Variants in RTN4IP1 observed in about 807,000 individuals in gnomAD.
RTN4IP1 encodes reticulon 4 interacting protein 1, also known as NAD(P)H oxidoreductase RTN4IP1, mitochondrial.
In RTN4IP1, 32 loss-of-function variants were observed where a neutral mutation model predicts 46.6. That is an observed-to-expected ratio of 0.69 (90% confidence interval 0.52 to 0.92). The LOEUF (loss-of-function observed/expected upper bound fraction) is 0.92. RTN4IP1 is among the 40% of genes least tolerant of loss of function. RTN4IP1 has a pLI of 0.00. For missense variants in RTN4IP1, 424 were observed against 485.8 expected (o/e 0.87, Z 1.20); for synonymous variants, 167 against 161.8 (o/e 1.03, Z -0.24).
rs780844961 is a variant in RTN4IP1, at chr6:106,571,988, A to G, written c.*8T>C. The G allele has an allele frequency of 6.2e-7, 1 of 1,604,196 alleles. No individual in the cohort carries two copies. Among genetic ancestry groups the G allele is most frequent in the South Asian group, 1.1e-5 (1 of 90,692 alleles). On this transcript the variant is annotated 3_prime_UTR_variant, in exon 9 of 9. Transcript: ENST00000369063. ...AGAACGTCAACAATCACTAAACTGC[A>G]TTTTTATTTAAACAACATTAATTAC...
intron 4 of RTN4IP1, among the ~76,000 whole-genome samples, chr6:106,605,868 C>T (rs1162529359): frequency 1.3e-5 from 2 of 148,886 alleles, no homozygotes; most frequent in African/African-American, 5.0e-5. Flanking sequence ...GACTACACTA[C>T]TGCGCTCACC....
At chr6:106,583,474 A>T in intron 7 of RTN4IP1, 54 bp from the exon 8 acceptor site, 3 of 1,421,300 alleles carry the variant, frequency 2.1e-6, no homozygotes, top group Non-Finnish European at 2.9e-6. Flanking sequence ...AAATCTGACT[A>T]AATGCAGATT....
chr6:106,576,687 C>CCAA (rs1775236179), intron 8 of RTN4IP1, among the ~76,000 whole-genome samples: 1 of 152,220 alleles, frequency 6.6e-6, no homozygotes, highest in South Asian at 2.1e-4. Flanking sequence ...ATGGTAGCCT[C>CCAA]TAGACACGTG....
At chr6:106,585,294 C>G (rs1255313178) in intron 7 of RTN4IP1, among the ~76,000 whole-genome samples, 1 of 152,158 alleles carries the variant, frequency 6.6e-6, no homozygotes, top group African/African-American at 2.4e-5. Context: ...GGCAACACAG[C>G]AAGACTCTGT....
intron 8 of RTN4IP1, among the ~76,000 whole-genome samples, chr6:106,575,852 A>C (rs1284563618): frequency 1.3e-5 from 2 of 152,238 alleles, no homozygotes; most frequent in African/African-American, 4.8e-5. Context: ...GGGAAGTCAC[A>C]GTCTATTCCA....
chr6:106,594,744 T>C (rs994665558), intron 5 of RTN4IP1, among the ~76,000 whole-genome samples: 2 of 152,178 alleles, frequency 1.3e-5, no homozygotes, highest in Non-Finnish European at 2.9e-5. Context: ...ACTATAGTCT[T>C]GTGCATTCTT....
Position 106,587,841 on chromosome 6 carries a change from A to T in RTN4IP1, c.828T>A (p.Asn276Lys). ...CCCATGTTTCAGTGGATCCGCCAAC[A>T]TTATCAAGGATAAAATCAAATCTGG... ...SLKPFDFILD[N>K]VGGSTETWAP... Residue 276 changes from asparagine (N) to lysine (K), a missense_variant, in exon 7 of 9, where the codon AAT (asparagine) becomes AAA (lysine). Coordinates refer to ENST00000369063, the MANE Select transcript of RTN4IP1 (RefSeq NM_032730.5). 6.2e-7 allele frequency: 1 copy of T among 1,612,976 alleles called. No homozygotes were observed. The highest frequency in any genetic ancestry group is 8.5e-7 in the Non-Finnish European group (1 of 1,179,488).
chr6:106,580,259 A>C (rs968674896), intron 8 of RTN4IP1, among the ~76,000 whole-genome samples: 5 of 151,416 alleles, frequency 3.3e-5, no homozygotes, highest in African/African-American at 1.2e-4. Context: ...AGTGACCAGT[A>C]ACCAGACCTT....
At chr6:106,577,354 G>A (rs1775254028) in intron 8 of RTN4IP1, among the ~76,000 whole-genome samples, 1 of 149,594 alleles carries the variant, frequency 6.7e-6, no homozygotes, top group South Asian at 2.1e-4. Flanking sequence ...GGGCTGAGGT[G>A]GGAGGATCAC....
rs377143584 is a variant in RTN4IP1, at chr6:106,626,161, G to A, written c.274+2587C>T. Among the ~76,000 whole-genome samples, 53 of 152,266 alleles carry A rather than the reference G, an allele frequency of 3.5e-4. 2 individuals are homozygous for A. The South Asian group carries it at 0.011, about 30-fold the overall frequency. On this transcript the variant is annotated intron_variant, in intron 1 of 8. Transcript: ENST00000369063. ...AGCTAATCCATACAGCAGGAGGGAA[G>A]GTAGAAGATACCGAGAGAGATGCTG...
At chr6:106,626,263 A>G (rs1480413524) in intron 1 of RTN4IP1, among the ~76,000 whole-genome samples, 1 of 152,168 alleles carries the variant, frequency 6.6e-6, no homozygotes, top group African/African-American at 2.4e-5. Context: ...GAAAGGTGGG[A>G]AAGTCCCAGA....
At chr6:106,587,129 A>C (rs959429131) in intron 7 of RTN4IP1, among the ~76,000 whole-genome samples, 7 of 152,372 alleles carry the variant, frequency 4.6e-5, no homozygotes, top group African/African-American at 1.7e-4. Flanking sequence ...TGTTTTACTC[A>C]TAGACCTCTA....
chr6:106,617,281 C>A (rs775640624), intron 4 of RTN4IP1, among the ~76,000 whole-genome samples: 3 of 152,188 alleles, frequency 2.0e-5, no homozygotes, highest in Non-Finnish European at 4.4e-5. Flanking sequence ...CAAATGTGTC[C>A]TACAGATCAC....
intron 5 of RTN4IP1, among the ~76,000 whole-genome samples, chr6:106,597,153 GA>G (rs1256130005): frequency 3.9e-5 from 6 of 152,130 alleles, no homozygotes; most frequent in African/African-American, 1.4e-4. Context: ...CATGTCCTTA[GA>G]AAAGTGATGT....
At chr6:106,623,073 G>C in intron 1 of RTN4IP1, 104 bp from the exon 2 acceptor site, 2 of 1,093,022 alleles carry the variant, frequency 1.8e-6, no homozygotes, top group Non-Finnish European at 2.7e-6. Flanking sequence ...TCAAGATGTA[G>C]ATTATAAATC....
chr6:106,628,935 T>C lies in RTN4IP1; in HGVS notation c.87A>G (p.Ser29=), dbSNP rs1464994312. 1.9e-6 allele frequency: 3 copies of C among 1,613,794 alleles called. No individual in the cohort carries two copies. Among genetic ancestry groups the C allele is most frequent in the Non-Finnish European group, 2.5e-6 (3 of 1,179,830 alleles). Residue 29 remains serine, a synonymous_variant, in exon 1 of 9, where the codon TCA becomes TCG. Transcript: ENST00000369063. ...GAGAGGTAGTACTAATCCTTCTAAC[T>C]GAAGGCTTTTGGACAACTTTGCTTC... is the stretch of plus-strand genomic sequence containing the variant. ...FWRSKVVQKP[S]VRRISTTSPR...
chr6:106,620,207 C>T (rs1411134149), intron 3 of RTN4IP1, among the ~76,000 whole-genome samples: 1 of 151,910 alleles, frequency 6.6e-6, no homozygotes, highest in Non-Finnish European at 1.5e-5. Flanking sequence ...CAGGTTTAAG[C>T]GATTCTCCTG....
chr6:106,575,701 C>T (rs1304604656), intron 8 of RTN4IP1, among the ~76,000 whole-genome samples: 2 of 152,134 alleles, frequency 1.3e-5, no homozygotes, highest in African/African-American at 4.8e-5. Flanking sequence ...TTAACATATC[C>T]GAGTGGGCCT....
chr6:106,595,687 G>A (rs994912820), intron 5 of RTN4IP1, among the ~76,000 whole-genome samples: 10 of 151,916 alleles, frequency 6.6e-5, no homozygotes, highest in African/African-American at 2.2e-4. Flanking sequence ...TATTAGAGAA[G>A]GGGTTTCGCC....
Sources: allele counts gnomAD v4.1 joint callset (sites outside exome capture counted in the v4.1 genomes callset), GRCh38; gene constraint gnomAD v4.1.1; transcripts MANE v1.5; gene names NCBI Gene and HGNC (gene_info 2026-07-23, HGNC 2026-07-21).